The following ABR variants were observed in gnomAD, a reference collection of about 807,000 sequenced individuals.
The protein encoded by ABR is active breakpoint cluster region-related protein.
Under a neutral mutation model 107.2 loss-of-function variants are expected in ABR, and 35 were observed. That is an observed-to-expected ratio of 0.33 (90% CI 0.25 to 0.43). ABR has a LOEUF of 0.43. Ranked by LOEUF, ABR falls within the 20% of genes least tolerant of loss-of-function variation. The pLI is 1.00. For missense variants in ABR, 815 were observed against 1,115.2 expected, an observed-to-expected ratio of 0.73 and a Z score of 3.83; for synonymous variants, 498 against 462.0, an observed-to-expected ratio of 1.08 and a Z score of -1.00.
At position 1,148,840 on chromosome 17, in the gene ABR, G is replaced by A. The variant is rs1385656894; in HGVS notation, c.62-23473C>T. On this transcript the variant is annotated intron_variant, in intron 1 of 22. Transcript: ENST00000302538. This position sits in a 1 kb window ranked among gnomAD's most constrained non-coding sequence, Gnocchi z 4.9. ...TGAACGTGCCTCGGGCCACTGATGC[G>A]TACACTGGATGGAAAATTTTAGGCA... 6.6e-6 allele frequency among the ~76,000 whole-genome samples: 1 copy of A among 152,138 alleles called. No homozygotes were observed. Among genetic ancestry groups the A allele is most frequent in the Non-Finnish European group, 1.5e-5 (1 of 68,032 alleles).
intron 16 of ABR, among the ~76,000 whole-genome samples, chr17:1,026,038 A>T (rs73978323): frequency 1.0e-3 from 154 of 152,350 alleles, no homozygotes; most frequent in African/African-American, 3.7e-3. Flanking sequence ...GCATTGGCCC[A>T]GGTGCAGCCC....
rs906124003 is a variant in ABR at position 1,157,066 on chromosome 17, G to A, written c.61+22601C>T. ...AGTTAACTCACCGCAGCCTCACACC[G>A]CGCCAGGAGGCAGGCACTAATATTA... On this transcript the variant is annotated intron_variant, in intron 1 of 22. Coordinates refer to ENST00000302538, the MANE Select transcript of ABR (RefSeq NM_021962.5). The surrounding 1 kb of genome is among the most constrained non-coding windows in gnomAD (Gnocchi z 4.7). Among the ~76,000 whole-genome samples, 14 of 152,048 alleles carry A rather than the reference G, an allele frequency of 9.2e-5. No homozygotes were observed. The highest frequency in any genetic ancestry group is 2.0e-4 in the Admixed American group (3 of 15,266).
intron 10 of ABR, among the ~76,000 whole-genome samples, chr17:1,061,662 T>G (rs1030698127): frequency 2.6e-5 from 4 of 152,058 alleles, no homozygotes; most frequent in African/African-American, 9.7e-5. Flanking sequence ...TTCTTTTGCC[T>G]CAGCCTCCCA....
intron 1 of ABR, among the ~76,000 whole-genome samples, chr17:1,159,580 TAAGA>T (rs112954739): frequency 1.3e-4 from 4 of 31,324 alleles, no homozygotes; most frequent in Admixed American, 3.7e-4. Flanking sequence ...ACGGGAGAAG[TAAGA>T]ATGCGGTACT....
At chr17:1,176,221 G>A (rs1299768347) in intron 1 of ABR, among the ~76,000 whole-genome samples, 5 of 152,182 alleles carry the variant, frequency 3.3e-5, no homozygotes, top group Non-Finnish European at 7.4e-5. Context: ...TCCAGGCCCA[G>A]CCCCCAGGTC....
chr17:1,161,951 CT>C (rs1284452913), intron 1 of ABR, among the ~76,000 whole-genome samples: 5 of 152,226 alleles, frequency 3.3e-5, no homozygotes, highest in Non-Finnish European at 7.3e-5. Context: ...ACCCATTCCC[CT>C]GGGAGCCCCA....
In ABR at chr17:1,070,011, G is replaced by A; in HGVS notation, c.974C>T (p.Thr325Ile). ...CAGCTTGGCACACAGTAGGACATCT[G>A]TAAAGAGGAAGACGTGCCGCAGCTT... ...SRKLRHVFLF[T>I]DVLLCAKLKK... Residue 325 changes from threonine to isoleucine, a missense_variant, in exon 9 of 23, where the codon ACA becomes ATA. Thr to Ile is a moderately conservative substitution (Grantham distance 89). Around this residue, in one of 5 missense-constraint regions of ABR, gnomAD observed 385 missense variants for 596.9 expected, o/e 0.64. Transcript: ENST00000302538. The surrounding 1 kb of genome is among the most constrained non-coding windows in gnomAD (Gnocchi z 4.2). 3 of 1,613,096 alleles carry A rather than the reference G, an allele frequency of 1.9e-6. No homozygotes were observed. The highest frequency in any genetic ancestry group is 1.1e-5 in the South Asian group (1 of 91,028).
At chr17:1,008,761 G>C (rs2070273498) in intron 21 of ABR, among the ~76,000 whole-genome samples, 1 of 152,196 alleles carries the variant, frequency 6.6e-6, no homozygotes, top group Non-Finnish European at 1.5e-5. Context: ...AGCAGTCTGA[G>C]GGGGCTCCCC....
At chr17:1,063,119 C>A (rs1597623474) in intron 10 of ABR, among the ~76,000 whole-genome samples, 1 of 141,296 alleles carries the variant, frequency 7.1e-6, no homozygotes, top group East Asian at 2.1e-4. Context: ...TATGCATGTT[C>A]CTCTAGACAC....
intron 1 of ABR, among the ~76,000 whole-genome samples, chr17:1,135,066 C>T (rs1286739883): frequency 2.0e-5 from 3 of 152,114 alleles, no homozygotes; most frequent in South Asian, 4.1e-4. Flanking sequence ...GCCTGCCAGG[C>T]GGGTGGGGGA....
intron 6 of ABR, among the ~76,000 whole-genome samples, chr17:1,076,995 T>G (rs1218988492): frequency 6.6e-6 from 1 of 152,234 alleles, no homozygotes; most frequent in East Asian, 1.9e-4. Context: ...ACTCGCTCTG[T>G]GCCCAAGGGT....
intron 1 of ABR, among the ~76,000 whole-genome samples, chr17:1,151,623 C>T (rs1255990755): frequency 2.0e-5 from 3 of 152,240 alleles, no homozygotes; most frequent in African/African-American, 7.2e-5. Context: ...CTTCACAGGA[C>T]ATCCTGAGAA....
At position 1,154,715 on chromosome 17, in the gene ABR, T is replaced by C. The variant is rs2040970723; in HGVS notation, c.61+24952A>G. 1 of 138,480 alleles carries C rather than the reference T, an allele frequency of 7.2e-6. No homozygotes were observed. Among genetic ancestry groups the C allele is most frequent in the Admixed American group, 7.2e-5 (1 of 13,802 alleles). The allele number at this position is 138,480 out of a possible 1,614,324, so 8.6% of individuals were successfully genotyped here. On this transcript the variant is annotated intron_variant, in intron 1 of 22. Coordinates refer to ENST00000302538, the MANE Select transcript of ABR (RefSeq NM_021962.5). This position sits in a 1 kb window ranked among gnomAD's most constrained non-coding sequence, Gnocchi z 4.0. ...AAGCCACAGGACAAGAGCTTGGCAA[T>C]GCCGTGTCCTCAGGGCTCCGGCGCC...
chr17:1,036,475 G>C (rs1056089150), intron 16 of ABR, among the ~76,000 whole-genome samples: 4 of 151,260 alleles, frequency 2.6e-5, no homozygotes, highest in African/African-American at 9.8e-5. Context: ...GAGGAGAGCA[G>C]GGCGGACCCG....
At chr17:1,197,262 A>C (rs1226460829) in intron 1 of ABR, among the ~76,000 whole-genome samples, 1 of 151,716 alleles carries the variant, frequency 6.6e-6, no homozygotes. Flanking sequence ...GCTGTGGCGC[A>C]GGGAGGGTTT....
At chr17:1,164,517 T>G (rs999231199) in intron 1 of ABR, among the ~76,000 whole-genome samples, 1 of 151,776 alleles carries the variant, frequency 6.6e-6, no homozygotes, top group East Asian at 1.9e-4. Context: ...CCAGATAAAC[T>G]GCAAGACTCC....
At chr17:1,212,741 T>C (rs910934258) in intron 1 of ABR, among the ~76,000 whole-genome samples, 8 of 152,146 alleles carry the variant, frequency 5.3e-5, no homozygotes, top group African/African-American at 9.7e-5. Context: ...AGTACAAAAT[T>C]AGCCAAGTGT....
rs1052406753 is a variant in ABR at position 1,179,433 on chromosome 17, C to A, written c.61+234G>T. ...GACCGCAGGAATCCTCTCTGGGGAC[C>A]CCCCGCCCGCGCCCCCCAGACCAGC... On this transcript the variant is annotated intron_variant, in intron 1 of 22. Coordinates refer to ENST00000302538, the MANE Select transcript of ABR (RefSeq NM_021962.5). The surrounding 1 kb of genome is among the most constrained non-coding windows in gnomAD (Gnocchi z 4.9). Among the ~76,000 whole-genome samples the A allele has an allele frequency of 6.6e-6, 1 of 151,776 alleles. No individual in the cohort carries two copies. Among genetic ancestry groups the A allele is most frequent in the African/African-American group, 2.4e-5 (1 of 41,324 alleles).
chr17:1,175,023 GAAAATAAAAATAAA>G (rs1294176780), intron 1 of ABR, among the ~76,000 whole-genome samples: 2 of 151,596 alleles, frequency 1.3e-5, no homozygotes, highest in Non-Finnish European at 2.9e-5. Flanking sequence ...ATGGGATTGG[GAAAATAAAAATAAA>G]AAAATAAAAT....
Sources: gnomAD v4.1 joint callset for allele counts (sites outside exome capture counted in the v4.1 genomes callset) on GRCh38, gnomAD v4.1.1 for gene constraint, gnomAD v4.1.1 regional missense constraint, Gnocchi (gnomAD v3.1) non-coding constraint, MANE v1.5 for transcripts, NCBI Gene and HGNC (gene_info 2026-07-23, HGNC 2026-07-21) for gene names.